ADAMTSL1: variants seen among roughly 807,000 people sequenced by gnomAD.
ADAMTSL1 encodes ADAMTS like 1.
ADAMTSL1 carries 126 observed loss-of-function variants against 201.8 expected under a neutral mutation model. The ratio of observed to expected loss-of-function variants is 0.62; its 90% CI spans 0.54 to 0.72. ADAMTSL1 has a LOEUF of 0.72. Ranked by LOEUF, ADAMTSL1 falls within the 30% of genes least tolerant of loss-of-function variation. The pLI, the probability that ADAMTSL1 is intolerant of heterozygous loss-of-function variation, is 0.00. For missense variants in ADAMTSL1, 2,679 were observed against 2,277.8 expected (o/e 1.18, Z -3.59); for synonymous variants, 1,121 against 903.4 (o/e 1.24, Z -4.32).
At chr9:18,143,883 T>G (rs978647228) in intron 1 of ADAMTSL1, among the ~76,000 whole-genome samples, 1 of 152,134 alleles carries the variant, frequency 6.6e-6, no homozygotes, top group Non-Finnish European at 1.5e-5. Context: ...GAACTGCCAT[T>G]GAGGGAACAA....
chr9:18,866,959 A>C (rs762915971), intron 23 of ADAMTSL1, among the ~76,000 whole-genome samples: 1 of 152,210 alleles, frequency 6.6e-6, no homozygotes, highest in African/African-American at 2.4e-5. Flanking sequence ...ATAGAGGAAG[A>C]GGCAAGAGGA....
chr9:18,706,774 C>T lies in ADAMTSL1; in HGVS notation c.1602C>T (p.Cys534=), dbSNP rs952523787. 5 of 1,607,202 alleles carry T rather than the reference C, an allele frequency of 3.1e-6. No homozygotes were observed. The South Asian group carries it at 5.6e-5, about 18-fold the overall frequency. The change falls in exon 14 of 29, where the codon TGC becomes TGT. Residue 534 remains cysteine, a synonymous_variant. Transcript: ENST00000380548. ...TCATCCCAGAGGCCTGGTCGGCCTG[C>T]ACAGTCACCTGTGGTGTGGGGACCC... ...PSFIPEAWSA[C]TVTCGVGTQV...
intron 2 of ADAMTSL1, among the ~76,000 whole-genome samples, chr9:18,523,466 C>T (rs34101030): frequency 2.0e-5 from 3 of 152,202 alleles, no homozygotes; most frequent in Admixed American, 6.5e-5. Flanking sequence ...TTTGTCAGTT[C>T]TGGCTTTTGT....
chr9:18,422,621 C>T (rs982899072), intron 2 of ADAMTSL1, among the ~76,000 whole-genome samples: 1 of 152,130 alleles, frequency 6.6e-6, no homozygotes, highest in Non-Finnish European at 1.5e-5. Context: ...TACCATCTTG[C>T]GCTCACCATT....
intron 2 of ADAMTSL1, among the ~76,000 whole-genome samples, chr9:18,429,775 C>T (rs574044686): frequency 1.3e-5 from 2 of 151,508 alleles, no homozygotes; most frequent in Admixed American, 6.6e-5. Flanking sequence ...GATAGTAATA[C>T]GTTTTGATTT....
intron 2 of ADAMTSL1, among the ~76,000 whole-genome samples, chr9:18,270,841 G>A (rs1233619359): frequency 6.6e-6 from 1 of 152,190 alleles, no homozygotes; most frequent in Admixed American, 6.5e-5. Context: ...ATGAGTGGAA[G>A]TGATATATGT....
At chr9:18,637,907 C>A (rs898168809) in intron 6 of ADAMTSL1, among the ~76,000 whole-genome samples, 3 of 152,078 alleles carry the variant, frequency 2.0e-5, no homozygotes, top group Admixed American at 6.6e-5. Flanking sequence ...ATGCTCAGAT[C>A]AGGCCTACAA....
chr9:18,415,560 A>G (rs1304540516), intron 2 of ADAMTSL1, among the ~76,000 whole-genome samples: 1 of 152,160 alleles, frequency 6.6e-6, no homozygotes, highest in Non-Finnish European at 1.5e-5. Context: ...CTGTGATACA[A>G]CTTCAGTTGC....
chr9:17,942,590 A>G (rs1263953763), intron 1 of ADAMTSL1, among the ~76,000 whole-genome samples: 3 of 152,146 alleles, frequency 2.0e-5, no homozygotes, highest in Non-Finnish European at 4.4e-5. Flanking sequence ...TGGCCTAGGA[A>G]GAATTTGTAC....
intron 6 of ADAMTSL1, among the ~76,000 whole-genome samples, chr9:18,637,007 G>A (rs1270328403): frequency 2.0e-5 from 3 of 152,024 alleles, no homozygotes; most frequent in Non-Finnish European, 2.9e-5. Flanking sequence ...GCAAACAAGA[G>A]GAAGACAAAT....
intron 1 of ADAMTSL1, among the ~76,000 whole-genome samples, chr9:18,034,550 A>G (rs1821111690): frequency 6.6e-6 from 1 of 151,978 alleles, no homozygotes; most frequent in Admixed American, 6.6e-5. Context: ...TTGCCTCTTG[A>G]CTTCTATATT....
At chr9:18,641,310 C>G (rs1827421047) in intron 7 of ADAMTSL1, among the ~76,000 whole-genome samples, 1 of 152,068 alleles carries the variant, frequency 6.6e-6, no homozygotes, top group Non-Finnish European at 1.5e-5. Flanking sequence ...TTGTATTTGT[C>G]TTCATATCTC....
At chr9:18,770,535 A>C (rs975075680) in intron 16 of ADAMTSL1, 67 bp from the exon 17 acceptor site, 2 of 1,457,612 alleles carry the variant, frequency 1.4e-6, no homozygotes, top group Non-Finnish European at 1.8e-6. Flanking sequence ...TTAAGATAAG[A>C]ATTAGCAGTC....
chr9:18,534,725 A>G (rs1714602248), intron 3 of ADAMTSL1, among the ~76,000 whole-genome samples: 1 of 152,162 alleles, frequency 6.6e-6, no homozygotes, highest in Non-Finnish European at 1.5e-5. Flanking sequence ...GAGGTTCCCA[A>G]ACCTCAATTC....
intron 4 of ADAMTSL1, among the ~76,000 whole-genome samples, chr9:18,597,755 G>A (rs1198345483): frequency 2.0e-5 from 3 of 152,060 alleles, no homozygotes; most frequent in African/African-American, 7.2e-5. Context: ...TACTTTAATT[G>A]TAAAGATCCT....
chr9:18,522,479 T>G (rs755566127), intron 2 of ADAMTSL1, among the ~76,000 whole-genome samples: 1 of 152,066 alleles, frequency 6.6e-6, no homozygotes, highest in Non-Finnish European at 1.5e-5. Flanking sequence ...CTAAGGTACA[T>G]GTGCACAATG....
rs191514758 is a variant in ADAMTSL1, at chr9:18,132,631, T to C, written c.88-31231T>C. Among the ~76,000 whole-genome samples, 901 of 152,278 alleles carry C rather than the reference T, an allele frequency of 5.9e-3. 4 individuals carry two copies. Among genetic ancestry groups the C allele is most frequent in the Non-Finnish European group, 9.6e-3 (650 of 68,016 alleles). On this transcript the variant is annotated intron_variant, in intron 1 of 29. Coordinates refer to the ADAMTSL1 transcript ENST00000680146. ...TGTATCACACTTCTCCAAGTGGGCT[T>C]CTTTGCCTCAGGCTTCTCCAACTTC...
intron 26 of ADAMTSL1, among the ~76,000 whole-genome samples, chr9:18,896,941 C>G (rs2131585082): frequency 6.6e-6 from 1 of 152,242 alleles, no homozygotes; most frequent in Non-Finnish European, 1.5e-5. Context: ...GCTTGGAATT[C>G]CAGCTGCCTG....
intron 4 of ADAMTSL1, among the ~76,000 whole-genome samples, chr9:18,609,339 C>T (rs1825228424): frequency 6.6e-6 from 1 of 152,034 alleles, no homozygotes; most frequent in African/African-American, 2.4e-5. Context: ...AAGTATTTTT[C>T]ATTTCTAACA....
Sources: allele counts gnomAD v4.1 joint callset (sites outside exome capture counted in the v4.1 genomes callset), GRCh38; gene constraint gnomAD v4.1.1; transcripts MANE v1.5; gene names NCBI Gene and HGNC (gene_info 2026-07-23, HGNC 2026-07-21).